Variants in ATG4B observed in about 807,000 individuals in gnomAD.
ATG4B encodes the protein autophagy related 4B cysteine peptidase, also known as cysteine protease ATG4B.
ATG4B carries 29 observed loss-of-function variants against 56.6 expected under a neutral mutation model. That is an observed-to-expected ratio of 0.51 (90% CI 0.38 to 0.70). The LOEUF (loss-of-function observed/expected upper bound fraction) is 0.70, where lower values mean the gene tolerates loss of function less well. Ranked by LOEUF, ATG4B falls within the 30% of genes least tolerant of loss-of-function variation. The pLI is 0.00. For missense variants in ATG4B, 461 were observed against 515.5 expected (o/e 0.89, Z 1.02); for synonymous variants, 224 against 206.1 (o/e 1.09, Z -0.74).
chr2:241,659,555 C>CT (rs2068527693), intron 7 of ATG4B: 1 of 355,286 alleles, frequency 2.8e-6, no homozygotes, highest in African/African-American at 2.1e-5. Flanking sequence ...GCAACCATCT[C>CT]TAGCTGCACC....
In ATG4B at chr2:241,651,953, C is replaced by G. The variant is rs1040378042; in HGVS notation, c.184+618C>G. Reference sequence around the variant, plus strand: ...ACTGGTTCTCAGCCTTGCCTCTCACCGGCGGAGAACTGAGGCCGGAGGTGA... The same window carrying G: ...ACTGGTTCTCAGCCTTGCCTCTCACGGGCGGAGAACTGAGGCCGGAGGTGA... On this transcript the variant is annotated intron_variant, in intron 3 of 12. Transcript: ENST00000404914. The surrounding 1 kb of genome is among the most constrained non-coding windows in gnomAD (Gnocchi z 4.1). 1 of 1,303,964 alleles carries G rather than the reference C, an allele frequency of 7.7e-7. No individual in the cohort carries two copies. The highest frequency in any genetic ancestry group is 1.5e-5 in the African/African-American group (1 of 65,856). The allele number at this position is 1,303,964 out of a possible 1,614,324, so 80.8% of individuals were successfully genotyped here. A position where few individuals can be genotyped will look rare whatever the true frequency, so the allele number is the denominator to read the frequency against.
chr2:241,654,553 G>A lies in ATG4B; in HGVS notation c.291G>A (p.Arg97=). 1 of 1,593,432 alleles carries A rather than the reference G, an allele frequency of 6.3e-7. No homozygotes were observed. Among genetic ancestry groups the A allele is most frequent in the Non-Finnish European group, 8.5e-7 (1 of 1,169,912 alleles). ...TAATTTTTTTTCCAATAGATTGGAG[G>A]TGGACACAAAGGAAGAGGCAGCCAG... ...LVCRHLGRDW[R]WTQRKRQPDS... The change falls in exon 5 of 13, where the codon AGG becomes AGA. Residue 97 remains arginine, a synonymous_variant. Coordinates refer to ENST00000404914, the MANE Select transcript of ATG4B (RefSeq NM_013325.5).
At chr2:241,638,655 T>C (rs757369619) in intron 1 of ATG4B, among the ~76,000 whole-genome samples, 1 of 152,264 alleles carries the variant, frequency 6.6e-6, no homozygotes, top group Non-Finnish European at 1.5e-5. Context: ...AGCTACAACA[T>C]AAATTTATTA....
intron 5 of ATG4B, 123 bp from the exon 6 acceptor site, chr2:241,655,148 C>A: frequency 2.2e-6 from 2 of 903,074 alleles, no homozygotes; most frequent in Non-Finnish European, 3.5e-6. Context: ...GGCATCCTTC[C>A]GTCTGGAGGC....
intron 7 of ATG4B, among the ~76,000 whole-genome samples, chr2:241,665,182 T>C (rs2068724329): frequency 6.6e-6 from 1 of 152,170 alleles, no homozygotes; most frequent in African/African-American, 2.4e-5. Flanking sequence ...TTTTGAGAAA[T>C]TTGAGTCCTA....
chr2:241,670,164 G>A (rs918569517), intron 10 of ATG4B, among the ~76,000 whole-genome samples: 16 of 152,232 alleles, frequency 1.1e-4, no homozygotes, highest in African/African-American at 3.4e-4. Flanking sequence ...TAACATCTGC[G>A]CATCTGGCAG....
At chr2:241,642,872 C>CTTTTTTTT (rs1165718825) in intron 1 of ATG4B, among the ~76,000 whole-genome samples, 1 of 104,254 alleles carries the variant, frequency 9.6e-6, no homozygotes, top group African/African-American at 4.0e-5. Context: ...CCTCTCCGTC[C>CTTTTTTTT]TTTTTTTTTT....
At position 241,671,635 on chromosome 2, in the gene ATG4B, C is replaced by CG. The variant is rs1198710874; in HGVS notation, c.1108+233dup. 5 of 1,466,550 alleles carry CG rather than the reference C, an allele frequency of 3.4e-6. No individual in the cohort carries two copies. The African/African-American group carries it at 7.0e-5, about 20-fold the overall frequency. The allele number at this position is 1,466,550 out of a possible 1,614,324, so 90.8% of individuals were successfully genotyped here. A position where few individuals can be genotyped will look rare whatever the true frequency, so the allele number is the denominator to read the frequency against. ...GTCTTCCCCACCAGCGCTGCCTGCCCGGGCGCTGTGGAGCTGGGCGTGCTA... is the reference window on the plus strand; with the variant it reads ...GTCTTCCCCACCAGCGCTGCCTGCCCGGGGCGCTGTGGAGCTGGGCGTGCTA... On this transcript the variant is annotated intron_variant, in intron 12 of 12. Transcript: ENST00000404914.
At position 241,668,342 on chromosome 2, in the gene ATG4B, G is replaced by A. The variant is rs1443116796; in HGVS notation, c.811+121G>A. ...CTGGTGGAAAAGCAGCATGCCCTGG[G>A]GTTCATTTTCAGCCTGGTCGCGGGC... On this transcript the variant is annotated intron_variant, in intron 9 of 12. Transcript: ENST00000404914. This position sits in a 1 kb window ranked among gnomAD's most constrained non-coding sequence, Gnocchi z 4.2. 7.2e-7 allele frequency: 1 copy of A among 1,394,480 alleles called. No homozygotes were observed. Among genetic ancestry groups the A allele is most frequent in the African/African-American group, 1.4e-5 (1 of 69,734 alleles). The allele number at this position is 1,394,480 out of a possible 1,614,324, so 86.4% of individuals were successfully genotyped here.
intron 1 of ATG4B, among the ~76,000 whole-genome samples, chr2:241,648,603 A>G (rs893810252): frequency 6.7e-6 from 1 of 150,196 alleles, no homozygotes; most frequent in Non-Finnish European, 1.5e-5. Flanking sequence ...TCAAAAAAAA[A>G]AAAGAAAAAA....
chr2:241,660,099 A>T (rs979870144), intron 7 of ATG4B, among the ~76,000 whole-genome samples: 1 of 152,234 alleles, frequency 6.6e-6, no homozygotes, highest in African/African-American at 2.4e-5. Flanking sequence ...CTGAGGCAGA[A>T]GAATCGCTTG....
At chr2:241,661,941 C>A (rs918216769) in intron 7 of ATG4B, among the ~76,000 whole-genome samples, 1 of 152,112 alleles carries the variant, frequency 6.6e-6, no homozygotes, top group Non-Finnish European at 1.5e-5. Flanking sequence ...ACAAATGACT[C>A]CAATGAAAGA....
chr2:241,661,089 T>G (rs1385984764), intron 7 of ATG4B, among the ~76,000 whole-genome samples: 1 of 152,216 alleles, frequency 6.6e-6, no homozygotes, highest in Non-Finnish European at 1.5e-5. Context: ...AAACGTGGCT[T>G]GTCAGAGTGA....
At position 241,637,735 on chromosome 2, in the gene ATG4B, G is replaced by A; in HGVS notation, c.10+11G>A. On this transcript the variant is annotated intron_variant, in intron 1 of 12. Transcript: ENST00000404914. ...GGAAGATGGACGCAGGTGAGGAGTTGCCGGGGGTCGGTCTTTCCGCAGGAG... is the reference window on the plus strand; with the variant it reads ...GGAAGATGGACGCAGGTGAGGAGTTACCGGGGGTCGGTCTTTCCGCAGGAG... 1 of 1,574,706 alleles carries A rather than the reference G, an allele frequency of 6.4e-7. No individual in the cohort carries two copies. The highest frequency in any genetic ancestry group is 1.1e-5 in the South Asian group (1 of 87,464).
intron 12 of ATG4B, chr2:241,671,851 C>T: frequency 7.7e-7 from 1 of 1,291,218 alleles, no homozygotes; most frequent in East Asian, 3.6e-5. Context: ...GCGCGTCCTC[C>T]TCATCTCTGT....
intron 3 of ATG4B, among the ~76,000 whole-genome samples, chr2:241,653,000 C>T (rs1395436735): frequency 6.6e-6 from 1 of 152,240 alleles, no homozygotes; most frequent in East Asian, 1.9e-4. Flanking sequence ...GTGCCTGTCA[C>T]ATGCCGCGCA....
intron 5 of ATG4B, chr2:241,654,852 ACCCTGGGCCTTG>A: frequency 1.7e-6 from 1 of 592,062 alleles, no homozygotes; most frequent in East Asian, 2.8e-5. Context: ...CCAGGCCCAG[ACCCTGGGCCTTG>A]CCCTTCCTGC....
In ATG4B at chr2:241,637,723, A is replaced by G; in HGVS notation, c.9A>G (p.Ala3=). The change falls in exon 1 of 13, where the codon GCA becomes GCG. Residue 3 remains alanine, a splice_region_variant and synonymous_variant. Coordinates refer to ENST00000404914, the MANE Select transcript of ATG4B (RefSeq NM_013325.5). ...GCGGCCGGACTGGGAAGATGGACGC[A>G]GGTGAGGAGTTGCCGGGGGTCGGTC... MD[A]ATLTYDTLRF... is the part of the protein sequence containing the mutation. 6.3e-7 allele frequency: 1 copy of G among 1,578,536 alleles called. No homozygotes were observed. Among genetic ancestry groups the G allele is most frequent in the Non-Finnish European group, 8.6e-7 (1 of 1,165,578 alleles).
chr2:241,670,992 GATGTTGC>G lies in ATG4B; in HGVS notation c.1014+211_1014+217del, dbSNP rs532694067. 9.4e-4 allele frequency among the ~76,000 whole-genome samples: 143 copies of G among 152,368 alleles called. 1 individual carries two copies. In the East Asian group the frequency reaches 0.026, roughly 28 times the overall value. On this transcript the variant is annotated intron_variant, in intron 11 of 12. Transcript: ENST00000404914. ...AACACAGTTAACAACCCTGGGGACG[GATGTTGC>G]GTGTTGACTTTAGAATGGGATTTCC... is the stretch of plus-strand genomic sequence containing the variant.
Sources: gnomAD v4.1 joint callset for allele counts (sites outside exome capture counted in the v4.1 genomes callset) on GRCh38, gnomAD v4.1.1 for gene constraint, Gnocchi (gnomAD v3.1) non-coding constraint, MANE v1.5 for transcripts, NCBI Gene and HGNC (gene_info 2026-07-23, HGNC 2026-07-21) for gene names.